Variants in ZNF251 observed in about 807,000 individuals in gnomAD.
ZNF251 encodes zinc finger protein 251.
In ZNF251, 14 loss-of-function variants were observed where a neutral mutation model predicts 13.5. The observed-to-expected ratio is 1.04, with a 90% confidence interval of 0.69 to 1.63. The LOEUF is 1.63. ZNF251 is among the 40% of genes most tolerant of loss of function. The probability of loss-of-function intolerance (pLI) is 0.00; values close to 1 mark genes in which losing one functional copy is unlikely to be tolerated. For missense variants in ZNF251, 764 were observed against 834.9 expected (o/e 0.92, Z 1.05); for synonymous variants, 287 against 295.2 (o/e 0.97, Z 0.28).
At position 144,721,847 on chromosome 8, in the gene ZNF251, C is replaced by G; in HGVS notation, c.1813G>C (p.Gly605Arg). 6.7e-7 allele frequency: 1 copy of G among 1,495,858 alleles called. No homozygotes were observed. The highest frequency in any genetic ancestry group is 8.9e-7 in the Non-Finnish European group (1 of 1,122,282). The allele number at this position is 1,495,858 out of a possible 1,614,324, so 92.7% of individuals were successfully genotyped here. Reference sequence around the variant, plus strand: ...TGATGTTGAATAAGGGTTGACTTTCCACTGAAGGCGTTTCCACATTCTTGA... The same window carrying G: ...TGATGTTGAATAAGGGTTGACTTTCGACTGAAGGCGTTTCCACATTCTTGA... ...KCQECGNAFS[G>R]KSTLIQHQVT... Residue 605 changes from glycine to arginine, a missense_variant, in exon 5 of 5, where the codon GGA becomes CGA. Coordinates refer to ENST00000292562, the MANE Select transcript of ZNF251 (RefSeq NM_138367.2).
At chr8:144,738,463 T>C (rs1011933357) in intron 4 of ZNF251, 1 of 785,962 alleles carries the variant, frequency 1.3e-6, no homozygotes, top group Admixed American at 6.2e-5. Flanking sequence ...CCTTGCTACA[T>C]GGAAATGGCA....
chr8:144,728,877 T>A (rs536964157), intron 4 of ZNF251, among the ~76,000 whole-genome samples: 1 of 151,300 alleles, frequency 6.6e-6, no homozygotes, highest in Admixed American at 6.6e-5. Flanking sequence ...TCACCTGAGG[T>A]CAGAAGTTTG....
intron 4 of ZNF251, among the ~76,000 whole-genome samples, chr8:144,729,477 C>T (rs1378828826): frequency 6.6e-6 from 1 of 151,468 alleles, no homozygotes; most frequent in Non-Finnish European, 1.5e-5. Context: ...GCTGGGACTA[C>T]AGGCGCCCGC....
At chr8:144,741,947 A>C (rs941426294) in intron 4 of ZNF251, among the ~76,000 whole-genome samples, 1 of 152,156 alleles carries the variant, frequency 6.6e-6, no homozygotes, top group African/African-American at 2.4e-5. Flanking sequence ...ATGGTCAAAA[A>C]TTTCCCAAAT....
At chr8:144,753,980 C>A (rs1824829941) in intron 3 of ZNF251, among the ~76,000 whole-genome samples, 184 bp from the exon 4 acceptor site, 1 of 152,154 alleles carries the variant, frequency 6.6e-6, no homozygotes, top group African/African-American at 2.4e-5. Flanking sequence ...TGGAGGGACA[C>A]CAGTGGGGCC....
intron 4 of ZNF251, among the ~76,000 whole-genome samples, chr8:144,731,915 T>A (rs1823706506): frequency 6.7e-6 from 1 of 148,662 alleles, no homozygotes; most frequent in South Asian, 2.1e-4. Flanking sequence ...AAAATAAAAT[T>A]AAATTCAATA....
intron 4 of ZNF251, among the ~76,000 whole-genome samples, chr8:144,729,418 G>C (rs1266503574): frequency 1.3e-5 from 2 of 149,896 alleles, no homozygotes; most frequent in Non-Finnish European, 3.0e-5. Flanking sequence ...CTCACTGCAA[G>C]CTCCGCCTCC....
intron 4 of ZNF251, among the ~76,000 whole-genome samples, chr8:144,753,047 TG>T (rs974366778): frequency 1.4e-4 from 21 of 152,006 alleles, no homozygotes; most frequent in Admixed American, 7.9e-4. Context: ...GAGGTCGACA[TG>T]GATCACTTGA....
chr8:144,723,932 C>T (rs926566592), intron 4 of ZNF251, among the ~76,000 whole-genome samples: 5 of 152,136 alleles, frequency 3.3e-5, no homozygotes, highest in East Asian at 1.9e-4. Context: ...AAATATCCAC[C>T]GAGTTCCTGA....
At chr8:144,754,834 A>G in intron 1 of ZNF251, 31 bp from the exon 2 acceptor site, 1 of 1,520,958 alleles carries the variant, frequency 6.6e-7, no homozygotes, top group African/African-American at 1.4e-5. Flanking sequence ...GCTCAGCCCC[A>G]TTCAACCAGG....
chr8:144,753,397 A>G, intron 4 of ZNF251: 1 of 310,494 alleles, frequency 3.2e-6, no homozygotes, highest in Non-Finnish European at 5.9e-6. Flanking sequence ...AAAGGAAATA[A>G]GTGTATTATA....
At chr8:144,730,036 C>T (rs1274316201) in intron 4 of ZNF251, 1 of 985,330 alleles carries the variant, frequency 1.0e-6, no homozygotes, top group East Asian at 1.1e-4. Context: ...CCCACCAACT[C>T]GAGGCCGCTC....
chr8:144,748,183 C>T (rs1035734595), intron 4 of ZNF251, among the ~76,000 whole-genome samples: 1 of 151,922 alleles, frequency 6.6e-6, no homozygotes. Context: ...AAGTGATTCT[C>T]CTGTCTTAGT....
chr8:144,729,411 A>C (rs1224353416), intron 4 of ZNF251, among the ~76,000 whole-genome samples: 5 of 148,972 alleles, frequency 3.4e-5, no homozygotes, highest in Admixed American at 1.3e-4. Context: ...ATCTCGGCTC[A>C]CTGCAAGCTC....
At chr8:144,743,333 G>C (rs1824258453) in intron 4 of ZNF251, among the ~76,000 whole-genome samples, 1 of 152,134 alleles carries the variant, frequency 6.6e-6, no homozygotes, top group Non-Finnish European at 1.5e-5. Context: ...CAAAGTGCTG[G>C]GGTTACAGGC....
chr8:144,753,417 A>ATGAAGT (rs769500173), intron 4 of ZNF251: 2 of 394,598 alleles, frequency 5.1e-6, no homozygotes, highest in Non-Finnish European at 9.0e-6. Context: ...AAAGAAGGGA[A>ATGAAGT]TGAAGTTGTT....
At chr8:144,749,140 G>C (rs1053074273) in intron 4 of ZNF251, among the ~76,000 whole-genome samples, 1 of 152,076 alleles carries the variant, frequency 6.6e-6, no homozygotes, top group Non-Finnish European at 1.5e-5. Flanking sequence ...ACTCTAGTCT[G>C]AGCAATAGAG....
chr8:144,736,721 A>T (rs1823912532), intron 4 of ZNF251, among the ~76,000 whole-genome samples: 1 of 151,688 alleles, frequency 6.6e-6, no homozygotes, highest in South Asian at 2.1e-4. Context: ...TGAACTCCCG[A>T]CCTCAGGTGA....
At chr8:144,730,120 G>A (rs1350349278) in intron 4 of ZNF251, 1 of 985,382 alleles carries the variant, frequency 1.0e-6, no homozygotes, top group Non-Finnish European at 1.2e-6. Flanking sequence ...GCTGAAAAGT[G>A]CCAAAAGAGA....
Sources: gnomAD v4.1 joint callset for allele counts (sites outside exome capture counted in the v4.1 genomes callset) on GRCh38, gnomAD v4.1.1 for gene constraint, MANE v1.5 for transcripts, NCBI Gene and HGNC (gene_info 2026-07-23, HGNC 2026-07-21) for gene names.